Variants in PARD3B observed in about 807,000 individuals in gnomAD.
PARD3B encodes partitioning defective 3 homolog B.
Under a neutral mutation model 130.2 loss-of-function variants are expected in PARD3B, and 103 were observed. That is an observed-to-expected ratio of 0.79 (90% confidence interval 0.67 to 0.93). The LOEUF (loss-of-function observed/expected upper bound fraction) is 0.93, where lower values mean the gene tolerates loss of function less well. PARD3B is among the 40% of genes least tolerant of loss of function. PARD3B has a pLI of 0.00. For synonymous variants in PARD3B, 583 were observed against 553.2 expected, an observed-to-expected ratio of 1.05 and a Z score of -0.76; for missense variants, 1,609 against 1,499.2, an observed-to-expected ratio of 1.07 and a Z score of -1.21.
intron 2 of PARD3B, among the ~76,000 whole-genome samples, chr2:204,946,782 G>A (rs1689362383): frequency 6.6e-6 from 1 of 152,170 alleles, no homozygotes; most frequent in African/African-American, 2.4e-5. Flanking sequence ...TATGATTCCA[G>A]TCCTGGTCAG....
chr2:204,636,489 T>C (rs1360759057), intron 1 of PARD3B, among the ~76,000 whole-genome samples: 2 of 141,046 alleles, frequency 1.4e-5, no homozygotes, highest in Admixed American at 1.5e-4. Flanking sequence ...TGTGTGTGTG[T>C]GCAGTTATTC....
rs147291428 is a variant in PARD3B at position 204,963,253 on chromosome 2, A to G, written c.223-1899A>G. Among the ~76,000 whole-genome samples the G allele has an allele frequency of 2.5e-3, 373 of 152,226 alleles. 2 individuals carry two copies. The highest frequency in any genetic ancestry group is 8.0e-3 in the African/African-American group (331 of 41,568). On this transcript the variant is annotated intron_variant, in intron 2 of 22. Coordinates refer to ENST00000406610, the MANE Select transcript of PARD3B (RefSeq NM_001302769.2). ...TTCTTACTGCATACACTGTATTCTT[A>G]TGTGGATAAAATGTATGGAAAACAG... is the stretch of plus-strand genomic sequence containing the variant.
At chr2:204,884,611 C>G (rs963112841) in intron 2 of PARD3B, among the ~76,000 whole-genome samples, 2 of 152,246 alleles carry the variant, frequency 1.3e-5, no homozygotes, top group East Asian at 1.9e-4. Flanking sequence ...TCTCCCTCCC[C>G]CTGGCCCCAG....
chr2:205,565,910 CAAAAAAAA>C (rs78064685), intron 22 of PARD3B, among the ~76,000 whole-genome samples: 13 of 63,676 alleles, frequency 2.0e-4, no homozygotes, highest in Non-Finnish European at 3.8e-4. Context: ...CTGCCCATTA[CAAAAAAAA>C]AAAAAAAAAG....
intron 22 of PARD3B, among the ~76,000 whole-genome samples, chr2:205,601,214 A>G (rs1346028902): frequency 1.3e-5 from 2 of 152,178 alleles, no homozygotes; most frequent in African/African-American, 4.8e-5. Context: ...ATAAGATGGT[A>G]TCTCATTGTG....
At chr2:205,450,851 T>G (rs2048075788) in intron 20 of PARD3B, among the ~76,000 whole-genome samples, 1 of 152,172 alleles carries the variant, frequency 6.6e-6, no homozygotes, top group African/African-American at 2.4e-5. Context: ...CTGAGCTACT[T>G]TGGCAATTGT....
intron 3 of PARD3B, among the ~76,000 whole-genome samples, chr2:204,974,720 C>T (rs976599837): frequency 1.3e-5 from 2 of 152,208 alleles, no homozygotes; most frequent in East Asian, 1.9e-4. Context: ...ACTGCCCTTA[C>T]GGCAGAGTTC....
Position 204,678,825 on chromosome 2 carries a change from G to A in PARD3B, c.121-7356G>A, listed in dbSNP as rs542560979. ...AGGGCTGCAGATTCCAGGCTCGAGG[G>A]TGGGTTCTTTGCCAGGGAGCTGCCC... On this transcript the variant is annotated intron_variant, in intron 1 of 22. Transcript: ENST00000406610. This position sits in a 1 kb window ranked among gnomAD's most constrained non-coding sequence, Gnocchi z 4.2. 6.6e-6 allele frequency among the ~76,000 whole-genome samples: 1 copy of A among 152,254 alleles called. No individual in the cohort carries two copies. Among genetic ancestry groups the A allele is most frequent in the South Asian group, 2.1e-4 (1 of 4,818 alleles).
intron 11 of PARD3B, among the ~76,000 whole-genome samples, chr2:205,168,479 A>G (rs1296008327): frequency 1.3e-5 from 2 of 152,212 alleles, no homozygotes; most frequent in African/African-American, 4.8e-5. Context: ...TTAATTTTAA[A>G]AACCATAAAA....
chr2:205,320,223 GGAAGGAAGGAAGGAAGGAAT>G lies in PARD3B; in HGVS notation c.2630+18542_2630+18561del, dbSNP rs1260206560. 2.5e-4 allele frequency among the ~76,000 whole-genome samples: 36 copies of G among 146,406 alleles called. No homozygotes were observed. In the East Asian group the frequency reaches 2.9e-3, roughly 12 times the overall value. On this transcript the variant is annotated intron_variant, in intron 18 of 22. Coordinates refer to ENST00000406610, the MANE Select transcript of PARD3B (RefSeq NM_001302769.2). ...GGAAGGGAGGGAAGGGTGGGGGGGA[GGAAGGAAGGAAGGAAGGAAT>G]GAAGGAAGGAAGGAAGGAAAGAAGG...
chr2:205,036,131 C>A (rs1203574244), intron 3 of PARD3B, among the ~76,000 whole-genome samples: 1 of 144,910 alleles, frequency 6.9e-6, no homozygotes, highest in Non-Finnish European at 1.5e-5. Flanking sequence ...TACAGAGGTA[C>A]ATATATATTA....
intron 1 of PARD3B, among the ~76,000 whole-genome samples, chr2:204,648,151 A>T (rs1268370681): frequency 6.6e-6 from 1 of 151,726 alleles, no homozygotes; most frequent in African/African-American, 2.4e-5. Context: ...TTTTGAATGC[A>T]GTTTTGGAAT....
chr2:205,416,978 G>C (rs927055979), intron 19 of PARD3B, among the ~76,000 whole-genome samples: 1 of 151,732 alleles, frequency 6.6e-6, no homozygotes, highest in African/African-American at 2.4e-5. Flanking sequence ...TGTGCACAAC[G>C]TGCAGGTTTG....
intron 3 of PARD3B, among the ~76,000 whole-genome samples, chr2:205,005,184 TAC>T (rs1406477762): frequency 6.6e-6 from 1 of 151,804 alleles, no homozygotes; most frequent in African/African-American, 2.4e-5. Flanking sequence ...CACACACATA[TAC>T]ACACAGAGAG....
chr2:204,935,366 A>G (rs1185055910), intron 2 of PARD3B, among the ~76,000 whole-genome samples: 41 of 122,318 alleles, frequency 3.4e-4, no homozygotes, highest in Non-Finnish European at 6.2e-4. Context: ...TGTCTCTACT[A>G]AAAATACAAA....
intron 18 of PARD3B, among the ~76,000 whole-genome samples, chr2:205,305,235 G>A (rs934716712): frequency 6.6e-6 from 1 of 152,090 alleles, no homozygotes; most frequent in East Asian, 1.9e-4. Context: ...TTAGTTGCTG[G>A]GAATCTCCTA....
chr2:205,349,795 T>C (rs1162054445), intron 18 of PARD3B, among the ~76,000 whole-genome samples: 1 of 106,444 alleles, frequency 9.4e-6, no homozygotes, highest in Non-Finnish European at 2.0e-5. Context: ...TCTTTTTCTT[T>C]TTCTCTTTTT....
chr2:205,450,987 C>T (rs189730517), intron 20 of PARD3B, among the ~76,000 whole-genome samples: 213 of 152,320 alleles, frequency 1.4e-3, no homozygotes, highest in Non-Finnish European at 1.9e-3. Flanking sequence ...ACAGAACAGA[C>T]TAGTCCAATT....
chr2:204,631,248 CTTT>C (rs57424347), intron 1 of PARD3B, among the ~76,000 whole-genome samples: 3 of 137,190 alleles, frequency 2.2e-5, no homozygotes, highest in Non-Finnish European at 1.6e-5. Flanking sequence ...TTCTTTCTTT[CTTT>C]TTTTTTTTTT....
Sources: gnomAD v4.1 joint callset for allele counts (sites outside exome capture counted in the v4.1 genomes callset) on GRCh38, gnomAD v4.1.1 for gene constraint, Gnocchi (gnomAD v3.1) non-coding constraint, MANE v1.5 for transcripts, NCBI Gene and HGNC (gene_info 2026-07-23, HGNC 2026-07-21) for gene names.